TMPRSS11A: variants seen among roughly 807,000 people sequenced by gnomAD.
TMPRSS11A encodes the protein transmembrane protease serine 11A.
TMPRSS11A carries 53 observed loss-of-function variants against 58.9 expected under a neutral mutation model. The ratio of observed to expected loss-of-function variants is 0.90; its 90% CI spans 0.72 to 1.13. The LOEUF (loss-of-function observed/expected upper bound fraction) is 1.13. Ranked by LOEUF, TMPRSS11A falls within the 50% of genes most tolerant of loss-of-function variation. TMPRSS11A has a pLI of 0.00. For synonymous variants in TMPRSS11A, 167 were observed against 169.8 expected, an observed-to-expected ratio of 0.98 and a Z score of 0.13; for missense variants, 493 against 499.3, an observed-to-expected ratio of 0.99 and a Z score of 0.12.
chr4:67,923,118 G>C (rs1052614705), intron 6 of TMPRSS11A, among the ~76,000 whole-genome samples, 192 bp from the exon 7 acceptor site: 1 of 152,144 alleles, frequency 6.6e-6, no homozygotes, highest in African/African-American at 2.4e-5. Flanking sequence ...GTGAGAACAG[G>C]TTAGCTGACT....
intron 1 of TMPRSS11A, among the ~76,000 whole-genome samples, chr4:67,952,484 T>C (rs1209674565): frequency 6.6e-6 from 1 of 152,228 alleles, no homozygotes; most frequent in Admixed American, 6.5e-5. Context: ...GTGATTATGT[T>C]TCAAATTTGA....
chr4:67,915,195 A>C (rs1720114083), intron 8 of TMPRSS11A, among the ~76,000 whole-genome samples: 2 of 152,036 alleles, frequency 1.3e-5, no homozygotes, highest in East Asian at 3.8e-4. Context: ...TGAAATATAC[A>C]TATATTATAC....
At chr4:67,951,532 A>C (rs1364003195) in intron 1 of TMPRSS11A, among the ~76,000 whole-genome samples, 1 of 152,038 alleles carries the variant, frequency 6.6e-6, no homozygotes, top group Non-Finnish European at 1.5e-5. Flanking sequence ...TCCAAGATCA[A>C]CCACATGCTT....
Position 67,963,489 on chromosome 4 carries a change from G to A in TMPRSS11A, c.-96C>T, listed in dbSNP as rs6552134. On this transcript the variant is annotated 5_prime_UTR_variant, in exon 1 of 10. Coordinates refer to ENST00000508048, the MANE Select transcript of TMPRSS11A (RefSeq NM_001114387.2). ...ATCTCTAGATGTATTAGAAGTCTAC[G>A]GCTCAAAGAAATAAGGAAACAAATT... The A allele has an allele frequency of 0.75, 985,290 of 1,321,948 alleles. 377,882 individuals are homozygous for A. Among genetic ancestry groups the A allele is most frequent in the East Asian group, 0.81 (34,003 of 41,752 alleles). 81.9% of individuals were successfully genotyped at this position (1,321,948 alleles called of 1,614,324 possible).
At chr4:67,916,725 G>C (rs1720160013) in intron 8 of TMPRSS11A, among the ~76,000 whole-genome samples, 1 of 152,148 alleles carries the variant, frequency 6.6e-6, no homozygotes. Flanking sequence ...TACTCGGGAG[G>C]CTGAGGCAGG....
At chr4:67,946,915 C>T (rs1381012965) in intron 1 of TMPRSS11A, among the ~76,000 whole-genome samples, 6 of 151,964 alleles carry the variant, frequency 3.9e-5, no homozygotes, top group Non-Finnish European at 1.5e-5. Flanking sequence ...ATCTGTCTAT[C>T]CTTTTAGAGT....
intron 3 of TMPRSS11A, among the ~76,000 whole-genome samples, chr4:67,940,764 T>C (rs990584121): frequency 1.3e-5 from 2 of 152,340 alleles, no homozygotes; most frequent in South Asian, 4.1e-4. Flanking sequence ...CCTTGGATCA[T>C]GCTAATGCCA....
rs1235547071 is a variant in TMPRSS11A, at chr4:67,924,124, T to A, written c.520+4A>T. ...ACTTGTTTATATAAGCTAACTTGAC[T>A]TACTTGCTTGGACAGTTAACTCCCC... is the stretch of plus-strand genomic sequence containing the variant. On this transcript the variant is annotated splice_donor_region_variant and intron_variant, in intron 6 of 9. Transcript: ENST00000508048. The A allele has an allele frequency of 6.2e-7, 1 of 1,612,618 alleles. No homozygotes were observed. Among genetic ancestry groups the A allele is most frequent in the South Asian group, 1.1e-5 (1 of 91,054 alleles).
intron 1 of TMPRSS11A, among the ~76,000 whole-genome samples, chr4:67,951,323 A>G (rs1182038572): frequency 6.6e-6 from 1 of 152,236 alleles, no homozygotes; most frequent in Non-Finnish European, 1.5e-5. Flanking sequence ...TCATTGAAGA[A>G]TATATAAAGC....
At chr4:67,938,328 T>G (rs1720801620) in intron 3 of TMPRSS11A, among the ~76,000 whole-genome samples, 1 of 152,214 alleles carries the variant, frequency 6.6e-6, no homozygotes, top group South Asian at 2.1e-4. Context: ...ATGCATAGTT[T>G]GCAAATATTT....
At chr4:67,961,511 T>C (rs77470859) in intron 1 of TMPRSS11A, among the ~76,000 whole-genome samples, 37,064 of 72,244 alleles carry the variant, frequency 0.51, 9,132 homozygotes, top group Non-Finnish European at 0.61. Context: ...TTTTTTTTTT[T>C]TTTTTTTTTT....
At chr4:67,930,754 TA>T (rs202134401) in intron 4 of TMPRSS11A, among the ~76,000 whole-genome samples, 2,213 of 103,644 alleles carry the variant, frequency 0.021, 53 homozygotes, top group African/African-American at 0.076. Context: ...GGTTTTTGTT[TA>T]AAAAAAAAAA....
chr4:67,955,375 C>A (rs1242232835), intron 1 of TMPRSS11A, among the ~76,000 whole-genome samples: 1 of 152,156 alleles, frequency 6.6e-6, no homozygotes, highest in African/African-American at 2.4e-5. Flanking sequence ...TGTGTGTACG[C>A]ACACTTAGCT....
intron 1 of TMPRSS11A, among the ~76,000 whole-genome samples, chr4:67,961,482 C>CTTTTTTTTTTT (rs1721418705): frequency 9.8e-6 from 1 of 102,452 alleles, no homozygotes; most frequent in African/African-American, 4.8e-5. Flanking sequence ...CTTTTCTTTT[C>CTTTTTTTTTTT]CTTTTTTTTT....
chr4:67,961,511 TTTTTTTTTTTTTTTTTTTGA>T (rs1721427185), intron 1 of TMPRSS11A, among the ~76,000 whole-genome samples: 7 of 72,342 alleles, frequency 9.7e-5, no homozygotes, highest in Non-Finnish European at 1.7e-4. Flanking sequence ...TTTTTTTTTT[TTTTTTTTTTTTTTTTTTTGA>T]GACAGAGTCT....
In TMPRSS11A at chr4:67,910,752, AC is replaced by A. The variant is rs1318244145; in HGVS notation, c.*589del. 3.3e-5 allele frequency: 5 copies of A among 151,936 alleles called. 1 individual carries two copies. The highest frequency in any genetic ancestry group is 7.4e-5 in the Non-Finnish European group (5 of 67,904). 9.4% of individuals were successfully genotyped at this position (151,936 alleles called of 1,614,324 possible). A position where few individuals can be genotyped will look rare whatever the true frequency, so the allele number is the denominator to read the frequency against. The stretch of plus-strand genomic sequence containing the variant: ...GTCACCAAAAATTAGAGGTTTTATA[AC>A]TAAAAAAAGTTAGAAGATCTCTGGC... On this transcript the variant is annotated 3_prime_UTR_variant, in exon 10 of 10. Coordinates refer to ENST00000508048, the MANE Select transcript of TMPRSS11A (RefSeq NM_001114387.2).
chr4:67,953,635 C>T (rs980150667), intron 1 of TMPRSS11A, among the ~76,000 whole-genome samples: 3 of 152,066 alleles, frequency 2.0e-5, no homozygotes, highest in Admixed American at 6.6e-5. Context: ...CCCGTCTCTA[C>T]TAAAAATACA....
At chr4:67,936,883 T>C (rs1720767885) in intron 3 of TMPRSS11A, among the ~76,000 whole-genome samples, 1 of 152,230 alleles carries the variant, frequency 6.6e-6, no homozygotes, top group Non-Finnish European at 1.5e-5. Context: ...ATTGCTTTTG[T>C]AAAAGAGGAA....
chr4:67,939,659 A>G (rs766468378), intron 3 of TMPRSS11A, among the ~76,000 whole-genome samples: 5 of 152,024 alleles, frequency 3.3e-5, no homozygotes, highest in Non-Finnish European at 7.4e-5. Context: ...TTCTACATAT[A>G]TTGAGATGAT....
Sources: allele counts gnomAD v4.1 joint callset (sites outside exome capture counted in the v4.1 genomes callset), GRCh38; gene constraint gnomAD v4.1.1; transcripts MANE v1.5; gene names NCBI Gene and HGNC (gene_info 2026-07-23, HGNC 2026-07-21).